IMMP1L: variants seen among roughly 807,000 people sequenced by gnomAD.
The protein encoded by IMMP1L is inner mitochondrial membrane peptidase subunit 1.
A neutral mutation model predicts 21.8 loss-of-function variants in IMMP1L; 24 were observed. That is an observed-to-expected ratio of 1.10 (90% CI 0.80 to 1.55). IMMP1L has a LOEUF of 1.55. IMMP1L is among the 40% of genes most tolerant of loss of function. The pLI, the probability that IMMP1L is intolerant of heterozygous loss-of-function variation, is 0.00. For missense variants in IMMP1L, 195 were observed against 200.7 expected (o/e 0.97, Z 0.17); for synonymous variants, 46 against 62.8 (o/e 0.73, Z 1.26).
In IMMP1L at chr11:31,456,401, T is replaced by A. The variant is rs1261394140; in HGVS notation, c.195-15A>T. 1.2e-6 allele frequency: 2 copies of A among 1,604,466 alleles called. No homozygotes were observed. The highest frequency in any genetic ancestry group is 1.3e-5 in the African/African-American group (1 of 74,760). On this transcript the variant is annotated splice_polypyrimidine_tract_variant and intron_variant, in intron 3 of 5. Coordinates refer to ENST00000532287, the MANE Select transcript of IMMP1L (RefSeq NM_001304274.2). ...CAATGTCACCTCTGAGGGGGAAAAG[T>A]CAAAGAAATGTCTGTATTATTTATT...
chr11:31,491,581 C>G (rs544559129), intron 1 of IMMP1L, among the ~76,000 whole-genome samples: 3 of 152,194 alleles, frequency 2.0e-5, no homozygotes, highest in African/African-American at 7.2e-5. Context: ...GGGCTGCTTA[C>G]AGTAAAATGT....
intron 1 of IMMP1L, among the ~76,000 whole-genome samples, chr11:31,471,711 T>A (rs1458052367): frequency 6.6e-6 from 1 of 152,172 alleles, no homozygotes; most frequent in Non-Finnish European, 1.5e-5. Context: ...TTACTCTTTC[T>A]TATGAGCTGA....
chr11:31,508,415 T>C (rs1955860594), intron 1 of IMMP1L, among the ~76,000 whole-genome samples: 1 of 152,228 alleles, frequency 6.6e-6, no homozygotes, highest in Admixed American at 6.5e-5. Context: ...AGCTATTTAT[T>C]GAGTAACTTA....
intron 4 of IMMP1L, chr11:31,452,114 T>C (rs1953776698): frequency 8.4e-6 from 5 of 593,578 alleles, no homozygotes; most frequent in African/African-American, 6.1e-5. Context: ...TGGAATGAGT[T>C]CGAAAAAATA....
intron 1 of IMMP1L, among the ~76,000 whole-genome samples, chr11:31,487,807 T>C (rs552229264): frequency 1.1e-4 from 16 of 152,212 alleles, no homozygotes; most frequent in Non-Finnish European, 1.6e-4. Flanking sequence ...ATTCCAACTT[T>C]TAGATGCTGC....
intron 1 of IMMP1L, among the ~76,000 whole-genome samples, chr11:31,494,947 A>G (rs1241598573): frequency 1.3e-5 from 2 of 152,066 alleles, no homozygotes; most frequent in Non-Finnish European, 2.9e-5. Context: ...ACCAGCCCAA[A>G]TTTTCCAAAC....
At chr11:31,433,683 A>G (rs987884076) in intron 4 of IMMP1L, 113 bp from the exon 5 acceptor site, 3 of 527,030 alleles carry the variant, frequency 5.7e-6, no homozygotes, top group Non-Finnish European at 9.9e-6. Flanking sequence ...TCTCTTTTAT[A>G]GAATAGATAC....
chr11:31,489,272 C>CA (rs2133783284), intron 1 of IMMP1L, among the ~76,000 whole-genome samples: 1 of 152,190 alleles, frequency 6.6e-6, no homozygotes, highest in South Asian at 2.1e-4. Flanking sequence ...GTGTCTGCCA[C>CA]AAAAAACAAA....
chr11:31,462,257 C>T (rs1047772661), intron 2 of IMMP1L, among the ~76,000 whole-genome samples: 8 of 148,886 alleles, frequency 5.4e-5, no homozygotes, highest in African/African-American at 7.5e-5. Flanking sequence ...CAGAGGCTGC[C>T]GTAAACTGAG....
intron 3 of IMMP1L, among the ~76,000 whole-genome samples, chr11:31,457,234 T>C (rs570391330): frequency 8.6e-5 from 13 of 151,810 alleles, no homozygotes; most frequent in Non-Finnish European, 1.9e-4. Context: ...AAATGAGATA[T>C]CAAACATATA....
chr11:31,444,293 G>A (rs1413206366), intron 4 of IMMP1L, among the ~76,000 whole-genome samples: 1 of 152,194 alleles, frequency 6.6e-6, no homozygotes, highest in African/African-American at 2.4e-5. Flanking sequence ...ATTTGCCAGT[G>A]TGAATTATGT....
At chr11:31,482,156 C>T (rs1187670338) in intron 1 of IMMP1L, among the ~76,000 whole-genome samples, 6 of 151,998 alleles carry the variant, frequency 3.9e-5, no homozygotes, top group African/African-American at 7.2e-5. Flanking sequence ...CCTAAGTCCA[C>T]CTCATTTTTT....
chr11:31,496,089 A>G (rs1955422834), intron 1 of IMMP1L, among the ~76,000 whole-genome samples: 1 of 151,008 alleles, frequency 6.6e-6, no homozygotes, highest in Non-Finnish European at 1.5e-5. Flanking sequence ...CAGAATATAT[A>G]AAGAACTCCT....
At chr11:31,500,872 G>C (rs891133064) in intron 1 of IMMP1L, among the ~76,000 whole-genome samples, 2 of 152,312 alleles carry the variant, frequency 1.3e-5, no homozygotes, top group East Asian at 1.9e-4. Flanking sequence ...AGTTGTAACA[G>C]AGACCATATG....
At chr11:31,497,748 C>T (rs575618378) in intron 1 of IMMP1L, among the ~76,000 whole-genome samples, 6 of 152,160 alleles carry the variant, frequency 3.9e-5, no homozygotes, top group African/African-American at 9.6e-5. Flanking sequence ...CTGCACCCGG[C>T]GGGGTACAAT....
intron 1 of IMMP1L, among the ~76,000 whole-genome samples, chr11:31,474,978 A>G (rs1954680076): frequency 6.6e-6 from 1 of 152,198 alleles, no homozygotes; most frequent in Non-Finnish European, 1.5e-5. Context: ...GAAGTCCAGT[A>G]AAGGACTTTG....
At chr11:31,469,367 A>G (rs1425276987) in intron 1 of IMMP1L, among the ~76,000 whole-genome samples, 1 of 152,166 alleles carries the variant, frequency 6.6e-6, no homozygotes, top group Non-Finnish European at 1.5e-5. Context: ...AAAAAAACAG[A>G]AGGAAAGACA....
chr11:31,487,072 C>T, intron 1 of IMMP1L, among the ~76,000 whole-genome samples: 1 of 151,602 alleles, frequency 6.6e-6, no homozygotes. Context: ...TCCTGTATCA[C>T]TATATTTTAC....
intron 1 of IMMP1L, among the ~76,000 whole-genome samples, chr11:31,499,007 A>C (rs1261574494): frequency 6.6e-6 from 1 of 152,192 alleles, no homozygotes; most frequent in Non-Finnish European, 1.5e-5. Context: ...TTTTGATTCA[A>C]ATATCATGCC....
Sources: gnomAD v4.1 joint callset for allele counts (sites outside exome capture counted in the v4.1 genomes callset) on GRCh38, gnomAD v4.1.1 for gene constraint, MANE v1.5 for transcripts, NCBI Gene and HGNC (gene_info 2026-07-23, HGNC 2026-07-21) for gene names.